Variants in HDAC2 observed in about 807,000 individuals in gnomAD.
HDAC2 encodes the protein YY1-associated factor 1.
Under a neutral mutation model 68.5 loss-of-function variants are expected in HDAC2, and 5 were observed. The observed-to-expected ratio is 0.07, with a 90% CI of 0.04 to 0.15. The LOEUF is 0.15. Ranked by LOEUF, HDAC2 falls within the 10% of genes least tolerant of loss-of-function variation. The probability of loss-of-function intolerance (pLI) is 1.00; values close to 1 mark genes in which losing one functional copy is unlikely to be tolerated. For missense variants in HDAC2, 291 were observed against 600.8 expected, an observed-to-expected ratio of 0.48 and a Z score of 5.39; for synonymous variants, 182 against 191.3, an observed-to-expected ratio of 0.95 and a Z score of 0.40.
chr6:113,950,357 A>C (rs1776380354), intron 6 of HDAC2, among the ~76,000 whole-genome samples: 1 of 151,658 alleles, frequency 6.6e-6, no homozygotes, highest in Non-Finnish European at 1.5e-5. Context: ...TGCAATACCA[A>C]AGGATTGGGG....
chr6:113,935,158 A>G lies in HDAC2; in HGVS notation c.*5900T>C, dbSNP rs2114576870. ...CCCCTTAATTTCACCTAGTCTAGCCAAAGGCAACACAAGTTCAAACTTTCC... is the reference window on the plus strand; with the variant it reads ...CCCCTTAATTTCACCTAGTCTAGCCGAAGGCAACACAAGTTCAAACTTTCC... On this transcript the variant is annotated 3_prime_UTR_variant, in exon 14 of 14. Coordinates refer to ENST00000519065, the MANE Select transcript of HDAC2 (RefSeq NM_001527.4). 6.6e-6 allele frequency: 1 copy of G among 152,334 alleles called. No homozygotes were observed. Among genetic ancestry groups the G allele is most frequent in the East Asian group, 1.9e-4 (1 of 5,186 alleles). The allele number at this position is 152,334 out of a possible 1,614,324, so 9.4% of individuals were successfully genotyped here.
chr6:113,946,220 A>G (rs1403560139), intron 8 of HDAC2, 72 bp from the exon 9 acceptor site: 5 of 1,280,182 alleles, frequency 3.9e-6, no homozygotes, highest in Middle Eastern at 2.0e-4. Context: ...TTTTAAAAAG[A>G]TAATAAGTGC....
At position 113,936,266 on chromosome 6, in the gene HDAC2, CAG is replaced by C. The variant is rs1211339487; in HGVS notation, c.*4790_*4791del. 6.6e-6 allele frequency: 1 copy of C among 151,800 alleles called. No homozygotes were observed. Among genetic ancestry groups the C allele is most frequent in the Non-Finnish European group, 1.5e-5 (1 of 67,950 alleles). 9.4% of individuals were successfully genotyped at this position (151,800 alleles called of 1,614,324 possible). ...CCAAGTGACTATAAGAGAAAACACA[CAG>C]AAAAAAAAATTTTAAATGCAGTATC... On this transcript the variant is annotated 3_prime_UTR_variant, in exon 14 of 14. Transcript: ENST00000519065.
chr6:113,951,482 T>A (rs1015555772), intron 6 of HDAC2, among the ~76,000 whole-genome samples: 1 of 151,368 alleles, frequency 6.6e-6, no homozygotes, highest in Non-Finnish European at 1.5e-5. Context: ...TTTTTTTTTT[T>A]TTTTTGGCTG....
At chr6:113,953,785 T>A (rs1376895293) in intron 5 of HDAC2, among the ~76,000 whole-genome samples, 3 of 152,252 alleles carry the variant, frequency 2.0e-5, no homozygotes, top group Non-Finnish European at 4.4e-5. Context: ...AGGGATTGGC[T>A]AACTATGGCC....
Position 113,933,902 on chromosome 6 carries a change from T to C in HDAC2, c.*7156A>G, listed in dbSNP as rs1043036916. On this transcript the variant is annotated 3_prime_UTR_variant, in exon 14 of 14. Transcript: ENST00000519065. ...TTATTATTAAGGATTATATTTAACT[T>C]TACATGTTCAAATTAGTATAGTTCC... 5.9e-5 allele frequency: 9 copies of C among 152,042 alleles called. No individual in the cohort carries two copies. Among genetic ancestry groups the C allele is most frequent in the African/African-American group, 2.2e-4 (9 of 41,398 alleles). The allele number at this position is 152,042 out of a possible 1,614,324, so 9.4% of individuals were successfully genotyped here.
intron 13 of HDAC2, 92 bp from the exon 14 acceptor site, chr6:113,941,180 T>C (rs1776123843): frequency 3.4e-6 from 3 of 884,330 alleles, no homozygotes; most frequent in Non-Finnish European, 1.8e-6. Context: ...TGTAGGCTCA[T>C]GCTAAGAAAC....
Position 113,936,789 on chromosome 6 carries a change from C to G in HDAC2, c.*4269G>C, listed in dbSNP as rs1408684470. Reference sequence around the variant, plus strand: ...GGTGGATCATTTGAGGTAAGGAGTTCAAGACCAGCCTGGACAATATGGTGA... The same window carrying G: ...GGTGGATCATTTGAGGTAAGGAGTTGAAGACCAGCCTGGACAATATGGTGA... On this transcript the variant is annotated 3_prime_UTR_variant, in exon 14 of 14. Transcript: ENST00000519065. 2 of 152,156 alleles carry G rather than the reference C, an allele frequency of 1.3e-5. No individual in the cohort carries two copies. Among genetic ancestry groups the G allele is most frequent in the East Asian group, 3.9e-4 (2 of 5,184 alleles). The allele number at this position is 152,156 out of a possible 1,614,324, so 9.4% of individuals were successfully genotyped here. A position where few individuals can be genotyped will look rare whatever the true frequency, so the allele number is the denominator to read the frequency against.
chr6:113,943,900 T>C (rs1419869179), intron 11 of HDAC2, among the ~76,000 whole-genome samples: 2 of 152,198 alleles, frequency 1.3e-5, no homozygotes, highest in East Asian at 3.8e-4. Flanking sequence ...AGACAGTCTA[T>C]ACCATTACAC....
intron 11 of HDAC2, among the ~76,000 whole-genome samples, chr6:113,944,058 A>G (rs868017487): frequency 6.6e-6 from 1 of 152,202 alleles, no homozygotes; most frequent in Non-Finnish European, 1.5e-5. Flanking sequence ...TAATTTTTGA[A>G]AACTTTCAAT....
chr6:113,946,247 A>G (rs898222709), intron 8 of HDAC2, 99 bp from the exon 9 acceptor site: 3 of 911,566 alleles, frequency 3.3e-6, no homozygotes, highest in Admixed American at 5.2e-5. Flanking sequence ...TACTCAACCA[A>G]AATGGGTTTT....
chr6:113,962,628 G>A (rs1247551268), intron 1 of HDAC2, among the ~76,000 whole-genome samples: 1 of 152,164 alleles, frequency 6.6e-6, no homozygotes, highest in East Asian at 1.9e-4. Flanking sequence ...AATGATACAT[G>A]TATACAGGGC....
At position 113,941,726 on chromosome 6, in the gene HDAC2, T is replaced by C; in HGVS notation, c.1418A>G (p.Glu473Gly). 6.9e-7 allele frequency: 1 copy of C among 1,449,916 alleles called. No individual in the cohort carries two copies. Among genetic ancestry groups the C allele is most frequent in the Non-Finnish European group, 9.4e-7 (1 of 1,059,838 alleles). The allele number at this position is 1,449,916 out of a possible 1,614,324, so 89.8% of individuals were successfully genotyped here. ...EEDKSKDNSGEKTDTKGTKSE... is the reference protein window; with the variant it reads ...EEDKSKDNSGGKTDTKGTKSE... ...CATTTACCCTTTGGTATCTGTTTTTTCACCACTGTTGTCCTTGGATTTATC... is the reference window on the plus strand; with the variant it reads ...CATTTACCCTTTGGTATCTGTTTTTCCACCACTGTTGTCCTTGGATTTATC... The change falls in exon 13 of 14, where the codon GAA (glutamate) becomes GGA (glycine). Residue 473 changes from glutamate to glycine, a missense_variant. Transcript: ENST00000519065.
intron 1 of HDAC2, among the ~76,000 whole-genome samples, chr6:113,962,550 A>T (rs1776709613): frequency 6.6e-6 from 1 of 152,246 alleles, no homozygotes; most frequent in Non-Finnish European, 1.5e-5. Context: ...GAATACGCAT[A>T]GCTTTCAACA....
At chr6:113,964,772 G>A (rs1387391415) in intron 1 of HDAC2, among the ~76,000 whole-genome samples, 1 of 152,078 alleles carries the variant, frequency 6.6e-6, no homozygotes, top group East Asian at 1.9e-4. Context: ...AATTCAATAA[G>A]GATCTCAAAT....
At chr6:113,970,342 CGAG>C (rs1776953940) in intron 1 of HDAC2, 3 of 493,836 alleles carry the variant, frequency 6.1e-6, no homozygotes, top group Non-Finnish European at 7.9e-6. Context: ...GGCGAGCAGG[CGAG>C]GAGGAGGGAA....
chr6:113,967,561 T>C (rs1013208212), intron 1 of HDAC2, among the ~76,000 whole-genome samples: 2 of 152,260 alleles, frequency 1.3e-5, no homozygotes, highest in Non-Finnish European at 2.9e-5. Flanking sequence ...ACAGAGAAAT[T>C]TGTGTATAGT....
chr6:113,950,215 C>T (rs942978662), intron 6 of HDAC2, among the ~76,000 whole-genome samples: 2 of 152,014 alleles, frequency 1.3e-5, no homozygotes, highest in Admixed American at 6.6e-5. Flanking sequence ...ATGATATATA[C>T]ATATATTATA....
At chr6:113,946,780 G>C (rs1357521709) in intron 8 of HDAC2, 1 of 151,968 alleles carries the variant, frequency 6.6e-6, no homozygotes, top group African/African-American at 2.4e-5. Flanking sequence ...TAAGTTTCCA[G>C]TAAGTTCCCT....
Sources: allele counts gnomAD v4.1 joint callset (sites outside exome capture counted in the v4.1 genomes callset), GRCh38; gene constraint gnomAD v4.1.1; transcripts MANE v1.5; gene names NCBI Gene and HGNC (gene_info 2026-07-23, HGNC 2026-07-21).